The following FARSB variants were observed in gnomAD, a reference collection of about 807,000 sequenced individuals.
The protein encoded by FARSB is phenylalanine--tRNA ligase beta subunit.
FARSB carries 40 observed loss-of-function variants against 69.6 expected under a neutral mutation model. That is an observed-to-expected ratio of 0.57 (90% CI 0.45 to 0.75). FARSB has a LOEUF of 0.75. FARSB is among the 30% of genes least tolerant of loss of function. The pLI is 0.00. For missense variants in FARSB, 632 were observed against 722.9 expected, an observed-to-expected ratio of 0.87 and a Z score of 1.44; for synonymous variants, 235 against 247.2, an observed-to-expected ratio of 0.95 and a Z score of 0.46.
At chr2:222,629,146 C>T (rs971418291) in intron 9 of FARSB, among the ~76,000 whole-genome samples, 7 of 152,142 alleles carry the variant, frequency 4.6e-5, no homozygotes, top group African/African-American at 7.2e-5. Flanking sequence ...AGCATGCATC[C>T]GACAGGGACT....
At chr2:222,616,649 A>C (rs567381924) in intron 14 of FARSB, among the ~76,000 whole-genome samples, 1 of 152,118 alleles carries the variant, frequency 6.6e-6, no homozygotes, top group South Asian at 2.1e-4. Context: ...GGGGTGTGGT[A>C]ATATTCTGTA....
chr2:222,610,451 T>C (rs1690817276), intron 15 of FARSB, among the ~76,000 whole-genome samples: 1 of 151,448 alleles, frequency 6.6e-6, no homozygotes, highest in Admixed American at 6.6e-5. Flanking sequence ...TTTCCATAAA[T>C]AAATTCCCAC....
At chr2:222,613,303 C>T (rs1341228093) in intron 15 of FARSB, among the ~76,000 whole-genome samples, 3 of 152,160 alleles carry the variant, frequency 2.0e-5, no homozygotes, top group Admixed American at 6.5e-5. Flanking sequence ...TGCCTGTAAT[C>T]CCAGCACTTT....
In FARSB at chr2:222,601,130, G is replaced by A. The variant is rs118030119; in HGVS notation, c.1463-1047C>T. Among the ~76,000 whole-genome samples, 6 of 152,172 alleles carry A rather than the reference G, an allele frequency of 3.9e-5. No homozygotes were observed. In the East Asian group the frequency reaches 1.2e-3, roughly 29 times the overall value. On this transcript the variant is annotated intron_variant, in intron 15 of 16. Coordinates refer to ENST00000281828, the MANE Select transcript of FARSB (RefSeq NM_005687.5). ...CCAGGGGTTGGAGGGAAAGGGAATG[G>A]GGAATTGATATTGAATGAGTATAAA...
chr2:222,611,648 T>C (rs1690856573), intron 15 of FARSB, among the ~76,000 whole-genome samples: 1 of 152,176 alleles, frequency 6.6e-6, no homozygotes, highest in African/African-American at 2.4e-5. Flanking sequence ...CCTATAGCAC[T>C]AGCACTTAAG....
rs190833796 is a variant in FARSB, at chr2:222,589,287, C to A, written c.1618+10641G>T. ...AAAGGATTCCCTATTTAACAAATGG[C>A]GCTGGGAAAACTGGCTAGCCATATG... On this transcript the variant is annotated intron_variant, in intron 16 of 16. Transcript: ENST00000281828. 5.3e-5 allele frequency among the ~76,000 whole-genome samples: 8 copies of A among 152,120 alleles called. 1 individual carries two copies. The South Asian group carries it at 1.7e-3, about 32-fold the overall frequency.
At chr2:222,612,171 T>G (rs1006579864) in intron 15 of FARSB, among the ~76,000 whole-genome samples, 7 of 152,188 alleles carry the variant, frequency 4.6e-5, no homozygotes, top group Admixed American at 2.0e-4. Context: ...ACAAGAACAC[T>G]CAAAACTATT....
chr2:222,624,398 C>T lies in FARSB; in HGVS notation c.1044G>A (p.Glu348=). The change falls in exon 12 of 17, where the codon GAG becomes GAA. Residue 348 remains glutamate (E), a synonymous_variant. Coordinates refer to ENST00000281828, the MANE Select transcript of FARSB (RefSeq NM_005687.5). ...SEVIGDGNQI[E]IEIPPTRADI... The stretch of plus-strand genomic sequence containing the variant: ...CAGCTCTGGTTGGAGGGATTTCAAT[C>T]TCAATCTGATTCCCATCACCTATGA... 1 of 1,612,044 alleles carries T rather than the reference C, an allele frequency of 6.2e-7. No individual in the cohort carries two copies. The highest frequency in any genetic ancestry group is 8.5e-7 in the Non-Finnish European group (1 of 1,178,122).
intron 4 of FARSB, among the ~76,000 whole-genome samples, chr2:222,640,139 A>G (rs2106236027): frequency 6.6e-6 from 1 of 152,298 alleles, no homozygotes; most frequent in South Asian, 2.1e-4. Context: ...TTTAAGGGCT[A>G]GGGGCTAAGT....
In FARSB at chr2:222,649,175, G is replaced by A. The variant is rs185761226; in HGVS notation, c.59-380C>T. 3.0e-4 allele frequency among the ~76,000 whole-genome samples: 43 copies of A among 141,096 alleles called. No individual in the cohort carries two copies. The East Asian group carries it at 5.1e-3, about 17-fold the overall frequency. The allele number at this position is 141,096 out of a possible 152,430, so 92.6% of individuals were successfully genotyped here. ...TGGGAGGCAGAGGTTGCAGTGAGCC[G>A]AGATCATGACATTGCACTCCAGCCT... On this transcript the variant is annotated intron_variant, in intron 1 of 16. Transcript: ENST00000281828.
chr2:222,655,202 A>G (rs561421992), intron 1 of FARSB, among the ~76,000 whole-genome samples: 11 of 151,726 alleles, frequency 7.2e-5, no homozygotes, highest in Admixed American at 2.0e-4. Context: ...AAAAATAAAA[A>G]TAAAAAAAAA....
In FARSB at chr2:222,596,255, A is replaced by G. The variant is rs201264140; in HGVS notation, c.1618+3673T>C. Among the ~76,000 whole-genome samples, 5 of 152,284 alleles carry G rather than the reference A, an allele frequency of 3.3e-5. 1 individual carries two copies. In the East Asian group the frequency reaches 7.7e-4, roughly 24 times the overall value. ...GCATAACAAGCAAGGTTACGCTCCAATGTCAACAAAACTCCATAGGTTAAT... is the reference window on the plus strand; with the variant it reads ...GCATAACAAGCAAGGTTACGCTCCAGTGTCAACAAAACTCCATAGGTTAAT... On this transcript the variant is annotated intron_variant, in intron 16 of 16. Transcript: ENST00000281828.
rs1376221596 is a variant in FARSB, at chr2:222,599,932, T to A, written c.1614A>T (p.Ser538=). ...EDKGGYVIKA[S]EGPAFFPGRC... is the part of the protein sequence containing the mutation. ...GATTCGGCTCATCTGTCTTACCTTC[T>A]GATGCTTTGATCACATATCCCCCCT... The change falls in exon 16 of 17, where the codon TCA becomes TCT. Residue 538 remains serine, a synonymous_variant. Transcript: ENST00000281828. 1 of 1,595,028 alleles carries A rather than the reference T, an allele frequency of 6.3e-7. No homozygotes were observed. Among genetic ancestry groups the A allele is most frequent in the African/African-American group, 1.4e-5 (1 of 73,546 alleles).
At chr2:222,629,335 A>C (rs1403509852) in intron 9 of FARSB, among the ~76,000 whole-genome samples, 1 of 152,244 alleles carries the variant, frequency 6.6e-6, no homozygotes, top group African/African-American at 2.4e-5. Context: ...TTCTAGAATA[A>C]ACTATGATGC....
intron 16 of FARSB, among the ~76,000 whole-genome samples, chr2:222,573,173 C>T (rs1362160716): frequency 2.0e-5 from 3 of 152,084 alleles, no homozygotes; most frequent in African/African-American, 7.2e-5. Flanking sequence ...AGACAAAGGA[C>T]AATTACATAT....
chr2:222,655,643 C>T (rs918504867), intron 1 of FARSB, among the ~76,000 whole-genome samples: 1 of 152,188 alleles, frequency 6.6e-6, no homozygotes, highest in African/African-American at 2.4e-5. Context: ...TCCTCCTACC[C>T]CCTTATAAAC....
At chr2:222,599,754 C>T (rs1194157447) in intron 16 of FARSB, among the ~76,000 whole-genome samples, 174 bp downstream of exon 16, 1 of 152,162 alleles carries the variant, frequency 6.6e-6, no homozygotes, top group Non-Finnish European at 1.5e-5. Flanking sequence ...AAAGTGTTTT[C>T]TTAAAATGCT....
chr2:222,605,161 T>TTCTCTCTCTCTCTCTCTCTC (rs71053093), intron 15 of FARSB, among the ~76,000 whole-genome samples: 2,157 of 132,642 alleles, frequency 0.016, 107 homozygotes, highest in African/African-American at 0.046. Flanking sequence ...AATACAAACT[T>TTCTCTCTCTCTCTCTCTCTC]TCTCTCTCTC....
intron 10 of FARSB, among the ~76,000 whole-genome samples, chr2:222,625,289 T>A (rs1049978282): frequency 6.6e-6 from 1 of 152,176 alleles, no homozygotes; most frequent in Non-Finnish European, 1.5e-5. Context: ...AAACAGTATA[T>A]AACTCCACCG....
Sources: allele counts gnomAD v4.1 joint callset (sites outside exome capture counted in the v4.1 genomes callset), GRCh38; gene constraint gnomAD v4.1.1; transcripts MANE v1.5; gene names NCBI Gene and HGNC (gene_info 2026-07-23, HGNC 2026-07-21).